Variants in PDE4B observed in about 807,000 individuals in gnomAD.
The protein encoded by PDE4B is 3',5'-cyclic-AMP phosphodiesterase 4B.
PDE4B carries 20 observed loss-of-function variants against 82.2 expected under a neutral mutation model. That is an observed-to-expected ratio of 0.24 (90% CI 0.17 to 0.35). The LOEUF (loss-of-function observed/expected upper bound fraction) is 0.35. Ranked by LOEUF, PDE4B falls within the 10% of genes least tolerant of loss-of-function variation. PDE4B has a pLI of 1.00. For missense variants in PDE4B, 655 were observed against 907.2 expected (o/e 0.72, Z 3.57); for synonymous variants, 320 against 318.9 (o/e 1.00, Z -0.04).
At chr1:65,823,869 G>A (rs1027110326) in intron 1 of PDE4B, among the ~76,000 whole-genome samples, 1 of 152,102 alleles carries the variant, frequency 6.6e-6, no homozygotes, top group African/African-American at 2.4e-5. Context: ...CCACCCATGA[G>A]CTCCACTGCT....
chr1:65,975,807 G>T (rs1650376612), intron 3 of PDE4B, among the ~76,000 whole-genome samples: 2 of 152,218 alleles, frequency 1.3e-5, no homozygotes, highest in African/African-American at 2.4e-5. Context: ...TGTTGGGCTT[G>T]CAGGTGCACA....
In PDE4B at chr1:65,887,035, A is replaced by AT. The variant is rs968273106; in HGVS notation, c.-70-26202dup. Among the ~76,000 whole-genome samples the AT allele has an allele frequency of 1.1e-4, 17 of 151,646 alleles. No individual in the cohort carries two copies. The East Asian group carries it at 1.6e-3, about 14-fold the overall frequency. ...CTTCACATTCTCACCAGCATCTGCT[A>AT]TTTTTTTTGTTTTAATAGTCGTTCA... On this transcript the variant is annotated intron_variant, in intron 1 of 16. Transcript: ENST00000341517.
chr1:65,804,838 G>A (rs1406607865), intron 1 of PDE4B, among the ~76,000 whole-genome samples: 1 of 151,942 alleles, frequency 6.6e-6, no homozygotes, highest in East Asian at 1.9e-4. Context: ...GCTTCTTGTA[G>A]TCACCCAGGG....
At chr1:66,088,245 G>A (rs899015576) in intron 3 of PDE4B, among the ~76,000 whole-genome samples, 1 of 152,016 alleles carries the variant, frequency 6.6e-6, no homozygotes, top group African/African-American at 2.4e-5. Context: ...CTCAGACAAG[G>A]CATCTGTGAG....
chr1:66,068,888 C>T (rs1021591962), intron 3 of PDE4B, among the ~76,000 whole-genome samples: 4 of 151,924 alleles, frequency 2.6e-5, no homozygotes, highest in African/African-American at 9.7e-5. Context: ...TCAGTTCACT[C>T]TTTGGTTACC....
intron 3 of PDE4B, among the ~76,000 whole-genome samples, chr1:66,146,091 T>G (rs1274144457): frequency 1.3e-5 from 2 of 152,148 alleles, no homozygotes; most frequent in Non-Finnish European, 2.9e-5. Flanking sequence ...TCTTCTTCTT[T>G]TCTGTTCACA....
At chr1:66,302,896 A>G (rs1325759574) in intron 7 of PDE4B, among the ~76,000 whole-genome samples, 1 of 151,958 alleles carries the variant, frequency 6.6e-6, no homozygotes, top group South Asian at 2.1e-4. Context: ...TCCCTCCCCA[A>G]CCTCTATCTG....
intron 7 of PDE4B, among the ~76,000 whole-genome samples, chr1:66,285,450 T>C (rs1234535759): frequency 6.6e-6 from 1 of 152,098 alleles, no homozygotes; most frequent in Non-Finnish European, 1.5e-5. Context: ...ATCACCCAAA[T>C]AGTGAACATT....
At chr1:66,130,390 G>T (rs949707212) in intron 3 of PDE4B, among the ~76,000 whole-genome samples, 5 of 152,170 alleles carry the variant, frequency 3.3e-5, no homozygotes, top group Admixed American at 6.5e-5. Flanking sequence ...AGTGGTGAGT[G>T]CCAGGGACTA....
chr1:66,258,189 A>C (rs888179365), intron 6 of PDE4B, among the ~76,000 whole-genome samples: 1 of 152,228 alleles, frequency 6.6e-6, no homozygotes, highest in African/African-American at 2.4e-5. Flanking sequence ...CATAAATTCT[A>C]TTAAAATTCT....
chr1:66,313,756 G>C (rs1658830897), intron 7 of PDE4B, among the ~76,000 whole-genome samples: 1 of 152,162 alleles, frequency 6.6e-6, no homozygotes, highest in Non-Finnish European at 1.5e-5. Flanking sequence ...GATAATTTGG[G>C]GGAGATCTCT....
At chr1:66,000,430 A>C (rs1326584267) in intron 3 of PDE4B, among the ~76,000 whole-genome samples, 1 of 152,198 alleles carries the variant, frequency 6.6e-6, no homozygotes, top group Non-Finnish European at 1.5e-5. Flanking sequence ...TATGACTTGC[A>C]GAGTGAGGAA....
intron 3 of PDE4B, among the ~76,000 whole-genome samples, chr1:65,972,995 C>T (rs1338981832): frequency 6.6e-6 from 1 of 152,112 alleles, no homozygotes; most frequent in Non-Finnish European, 1.5e-5. Context: ...GTTGTTGGAG[C>T]AAAGTGTTCT....
intron 9 of PDE4B, among the ~76,000 whole-genome samples, chr1:66,357,408 GA>G (rs529183920): frequency 3.4e-4 from 51 of 151,920 alleles, no homozygotes; most frequent in Admixed American, 7.2e-4. Context: ...CTCAGAGTAG[GA>G]AAAAATAAAA....
intron 9 of PDE4B, among the ~76,000 whole-genome samples, chr1:66,357,073 A>G (rs191760268): frequency 3.3e-5 from 5 of 152,272 alleles, no homozygotes; most frequent in Non-Finnish European, 5.9e-5. Context: ...TGTTTTAGGG[A>G]CATTTTACAG....
chr1:66,179,288 A>T (rs941494590), intron 3 of PDE4B, among the ~76,000 whole-genome samples: 1 of 152,226 alleles, frequency 6.6e-6, no homozygotes, highest in South Asian at 2.1e-4. Context: ...ACCAGGCTAT[A>T]TAAGTGTCTG....
chr1:66,044,713 A>C (rs889689077), intron 3 of PDE4B, among the ~76,000 whole-genome samples: 4 of 151,816 alleles, frequency 2.6e-5, no homozygotes, highest in Admixed American at 6.6e-5. Context: ...CAAATAATTA[A>C]GACTGAATGT....
intron 3 of PDE4B, among the ~76,000 whole-genome samples, chr1:65,973,890 G>C (rs1276231020): frequency 1.3e-5 from 2 of 151,842 alleles, no homozygotes; most frequent in South Asian, 4.2e-4. Context: ...CCGGCTCACT[G>C]TAACGTCCAC....
intron 3 of PDE4B, among the ~76,000 whole-genome samples, chr1:65,952,811 A>C (rs1447142147): frequency 6.6e-6 from 1 of 152,296 alleles, no homozygotes; most frequent in Middle Eastern, 3.4e-3. Flanking sequence ...TGATGGTAAT[A>C]GTAATATCTA....
Sources: gnomAD v4.1 joint callset for allele counts (sites outside exome capture counted in the v4.1 genomes callset) on GRCh38, gnomAD v4.1.1 for gene constraint, MANE v1.5 for transcripts, NCBI Gene and HGNC (gene_info 2026-07-23, HGNC 2026-07-21) for gene names.